The following IMMP2L variants were observed in gnomAD, a reference collection of about 807,000 sequenced individuals.
IMMP2L encodes the protein inner mitochondrial membrane peptidase subunit 2.
In IMMP2L, 18 loss-of-function variants were observed where a neutral mutation model predicts 19.3. The observed-to-expected ratio is 0.93, with a 90% CI of 0.64 to 1.38. The LOEUF (loss-of-function observed/expected upper bound fraction) is 1.38. Among genes scored for constraint, IMMP2L ranks in the 40% most tolerant of loss-of-function variants. The probability of loss-of-function intolerance (pLI) is 0.00; values close to 1 mark genes in which losing one functional copy is unlikely to be tolerated. For missense variants in IMMP2L, 233 were observed against 218.2 expected (o/e 1.07, Z -0.43); for synonymous variants, 76 against 73.0 (o/e 1.04, Z -0.21).
chr7:111,026,556 AT>A (rs1190070312), intron 3 of IMMP2L, among the ~76,000 whole-genome samples: 1 of 152,110 alleles, frequency 6.6e-6, no homozygotes, highest in Non-Finnish European at 1.5e-5. Context: ...GCGACTTTCC[AT>A]TTACATATAA....
chr7:110,824,507 AG>A (rs1373155951), intron 5 of IMMP2L, among the ~76,000 whole-genome samples: 1 of 152,106 alleles, frequency 6.6e-6, no homozygotes, highest in Non-Finnish European at 1.5e-5. Flanking sequence ...GCTGGACCAC[AG>A]GCACACACCA....
intron 3 of IMMP2L, among the ~76,000 whole-genome samples, chr7:111,314,623 T>C (rs538000179): frequency 1.3e-5 from 2 of 152,200 alleles, no homozygotes; most frequent in African/African-American, 4.8e-5. Context: ...AGTAATACAA[T>C]AAACTGAAGT....
At chr7:111,315,076 T>C (rs1036450644) in intron 3 of IMMP2L, among the ~76,000 whole-genome samples, 1 of 152,182 alleles carries the variant, frequency 6.6e-6, no homozygotes, top group Non-Finnish European at 1.5e-5. Flanking sequence ...TCTCACTTCT[T>C]TTAAGGTGGC....
chr7:111,210,687 G>C (rs1811214802), intron 3 of IMMP2L, among the ~76,000 whole-genome samples: 1 of 151,998 alleles, frequency 6.6e-6, no homozygotes, highest in African/African-American at 2.4e-5. Context: ...TCATAAGACT[G>C]CCCTGAAGGG....
chr7:111,454,196 G>A (rs189027413), intron 3 of IMMP2L, among the ~76,000 whole-genome samples: 2 of 152,130 alleles, frequency 1.3e-5, no homozygotes, highest in East Asian at 1.9e-4. Flanking sequence ...GCAGTGATGC[G>A]ATCGCAACTA....
At chr7:110,882,337 CTT>C in intron 5 of IMMP2L, among the ~76,000 whole-genome samples, 1 of 147,584 alleles carries the variant, frequency 6.8e-6, no homozygotes, top group East Asian at 2.0e-4. Flanking sequence ...TCCTTCCTTC[CTT>C]CCCTCCTTCC....
intron 1 of IMMP2L, among the ~76,000 whole-genome samples, chr7:111,522,443 G>C (rs1846424207): frequency 6.6e-6 from 1 of 151,932 alleles, no homozygotes; most frequent in Non-Finnish European, 1.5e-5. Flanking sequence ...AACGCATAAG[G>C]AACTCCAACA....
intron 5 of IMMP2L, among the ~76,000 whole-genome samples, chr7:110,793,222 C>T (rs1317336539): frequency 6.6e-6 from 1 of 152,042 alleles, no homozygotes; most frequent in Middle Eastern, 3.2e-3. Context: ...GAGGTACAAA[C>T]CAGCCTGCCC....
intron 3 of IMMP2L, among the ~76,000 whole-genome samples, chr7:111,363,962 T>G (rs1829505396): frequency 6.6e-6 from 1 of 151,996 alleles, no homozygotes; most frequent in East Asian, 1.9e-4. Context: ...AAGGTTCGAT[T>G]CAGTAATCTT....
At chr7:110,666,302 T>G (rs1358781310) in intron 5 of IMMP2L, among the ~76,000 whole-genome samples, 1 of 152,046 alleles carries the variant, frequency 6.6e-6, no homozygotes, top group Non-Finnish European at 1.5e-5. Flanking sequence ...TGAGACAGAG[T>G]CTCACTCTGT....
chr7:111,527,813 T>C (rs1847024622), intron 1 of IMMP2L, among the ~76,000 whole-genome samples: 1 of 152,050 alleles, frequency 6.6e-6, no homozygotes, highest in Non-Finnish European at 1.5e-5. Flanking sequence ...GGGCAAGTGT[T>C]TTTCTGAGAG....
intron 4 of IMMP2L, among the ~76,000 whole-genome samples, chr7:110,900,365 T>C (rs1938503880): frequency 6.6e-6 from 1 of 152,042 alleles, no homozygotes. Flanking sequence ...GCAAAAAAAA[T>C]CCAGGATTCA....
intron 3 of IMMP2L, among the ~76,000 whole-genome samples, chr7:111,047,031 C>T (rs1336765892): frequency 6.6e-6 from 1 of 152,142 alleles, no homozygotes; most frequent in Admixed American, 6.5e-5. Context: ...TTTCATATAG[C>T]TCCTCAGCTA....
rs551515604 is a variant in IMMP2L at position 110,799,183 on chromosome 7, T to C, written c.408+87410A>G. 1.2e-4 allele frequency among the ~76,000 whole-genome samples: 18 copies of C among 152,168 alleles called. 1 individual carries two copies. In the South Asian group the frequency reaches 3.5e-3, roughly 30 times the overall value. ...GTAGTCAACTTAACATTGAGGTCTT[T>C]ACAAAGAATGCCTAGAGTATGGACT... On this transcript the variant is annotated intron_variant, in intron 5 of 5. Transcript: ENST00000405709.
At chr7:110,943,138 T>C (rs1254103726) in intron 4 of IMMP2L, among the ~76,000 whole-genome samples, 2 of 151,940 alleles carry the variant, frequency 1.3e-5, no homozygotes, top group African/African-American at 2.4e-5. Flanking sequence ...CAACTCCAGA[T>C]TTCTCTCCTC....
intron 1 of IMMP2L, among the ~76,000 whole-genome samples, chr7:111,534,973 A>G (rs747104176): frequency 6.6e-6 from 1 of 152,304 alleles, no homozygotes; most frequent in Admixed American, 6.5e-5. Flanking sequence ...AGGACCTACA[A>G]CAAAGGAAGA....
intron 3 of IMMP2L, among the ~76,000 whole-genome samples, chr7:111,007,968 GTC>G (rs1358403942): frequency 5.3e-5 from 8 of 151,906 alleles, no homozygotes; most frequent in Admixed American, 2.0e-4. Context: ...TCCTCTCTTT[GTC>G]TCTTACCCAC....
At chr7:110,845,085 CA>C (rs1342354215) in intron 5 of IMMP2L, among the ~76,000 whole-genome samples, 1 of 152,120 alleles carries the variant, frequency 6.6e-6, no homozygotes, top group African/African-American at 2.4e-5. Context: ...TCCAAAAAAG[CA>C]GCTGCTTCCT....
intron 4 of IMMP2L, among the ~76,000 whole-genome samples, chr7:110,927,936 A>C (rs1015452365): frequency 6.6e-6 from 1 of 152,078 alleles, no homozygotes; most frequent in Admixed American, 6.6e-5. Flanking sequence ...CTCACTTTGC[A>C]GTATCTCTTA....
Sources: allele counts gnomAD v4.1 joint callset (sites outside exome capture counted in the v4.1 genomes callset), GRCh38; gene constraint gnomAD v4.1.1; transcripts MANE v1.5; gene names NCBI Gene and HGNC (gene_info 2026-07-23, HGNC 2026-07-21).